GPC5: variants seen among roughly 807,000 people sequenced by gnomAD.
The protein encoded by GPC5 is glypican-5.
In GPC5, 47 loss-of-function variants were observed where a neutral mutation model predicts 53.9. That is an observed-to-expected ratio of 0.87 (90% CI 0.69 to 1.11). GPC5 has a LOEUF of 1.11. Among genes scored for constraint, GPC5 ranks in the 50% most tolerant of loss-of-function variants. The pLI is 0.00. For missense variants in GPC5, 748 were observed against 713.1 expected, an observed-to-expected ratio of 1.05 and a Z score of -0.56; for synonymous variants, 286 against 263.3, an observed-to-expected ratio of 1.09 and a Z score of -0.84.
At chr13:91,844,628 G>A (rs1221556704) in intron 5 of GPC5, among the ~76,000 whole-genome samples, 2 of 152,192 alleles carry the variant, frequency 1.3e-5, no homozygotes, top group East Asian at 3.8e-4. Context: ...CCACTGAAGG[G>A]TGCACATGTG....
intron 3 of GPC5, among the ~76,000 whole-genome samples, chr13:91,702,630 T>G (rs2036017676): frequency 6.6e-6 from 1 of 152,062 alleles, no homozygotes; most frequent in African/African-American, 2.4e-5. Context: ...TAGTCTTTTG[T>G]GGTTCCATAC....
At chr13:91,736,966 TTATTA>T (rs2036829018) in intron 4 of GPC5, among the ~76,000 whole-genome samples, 1 of 148,178 alleles carries the variant, frequency 6.7e-6, no homozygotes, top group East Asian at 1.9e-4. Flanking sequence ...ATTATTATTA[TTATTA>T]TTTTTGATGG....
At chr13:91,594,985 CATTTATTTATTTATTTATTTATTT>C (rs60740693) in intron 2 of GPC5, among the ~76,000 whole-genome samples, 14,417 of 137,530 alleles carry the variant, frequency 0.1, 845 homozygotes, top group Middle Eastern at 0.15. Flanking sequence ...TTTTTATTTA[CATTTATTTATTTATTTATTTATTT>C]ATTTATTTAT....
At chr13:91,488,965 C>T (rs1883776249) in intron 2 of GPC5, among the ~76,000 whole-genome samples, 1 of 152,196 alleles carries the variant, frequency 6.6e-6, no homozygotes, top group Non-Finnish European at 1.5e-5. Context: ...ATGGTCGTAG[C>T]TGTGGGATGA....
At chr13:92,745,018 T>C (rs1889205991) in intron 7 of GPC5, among the ~76,000 whole-genome samples, 1 of 152,072 alleles carries the variant, frequency 6.6e-6, no homozygotes, top group South Asian at 2.1e-4. Flanking sequence ...TAATAATTCA[T>C]ATCAATAACT....
At chr13:91,572,063 A>ATGCATATACGTGTGTATATATG (rs2031896824) in intron 2 of GPC5, among the ~76,000 whole-genome samples, 1 of 129,800 alleles carries the variant, frequency 7.7e-6, no homozygotes, top group African/African-American at 4.0e-5. Context: ...GTATATATAC[A>ATGCATATACGTGTGTATATATG]TGTATATACA....
intron 2 of GPC5, among the ~76,000 whole-genome samples, chr13:91,541,966 A>G (rs2029961609): frequency 6.6e-6 from 1 of 150,972 alleles, no homozygotes; most frequent in Non-Finnish European, 1.5e-5. Context: ...TTAGTCAGGA[A>G]TAGGTGCTGC....
At chr13:91,864,984 A>C (rs1183638407) in intron 5 of GPC5, among the ~76,000 whole-genome samples, 2 of 151,484 alleles carry the variant, frequency 1.3e-5, no homozygotes, top group East Asian at 3.9e-4. Context: ...GGCTCACTGC[A>C]ACCTCTGCCT....
At position 92,197,227 on chromosome 13, in the gene GPC5, A is replaced by G. The variant is rs576027169; in HGVS notation, c.1561+52238A>G. On this transcript the variant is annotated intron_variant, in intron 7 of 7. Transcript: ENST00000377067. ...AAGGATGTGAAAAAAAAATAATAAG[A>G]TAAAAACCCCCAGACCATAAATTTT... Among the ~76,000 whole-genome samples the G allele has an allele frequency of 2.6e-5, 4 of 152,284 alleles. No homozygotes were observed. In the South Asian group the frequency reaches 8.3e-4, roughly 32 times the overall value.
At chr13:92,412,969 C>T (rs906584590) in intron 7 of GPC5, among the ~76,000 whole-genome samples, 1 of 152,152 alleles carries the variant, frequency 6.6e-6, no homozygotes, top group African/African-American at 2.4e-5. Context: ...ACATTACTGT[C>T]AGATAAATGC....
At chr13:92,360,134 C>A (rs1034858573) in intron 7 of GPC5, among the ~76,000 whole-genome samples, 1 of 151,546 alleles carries the variant, frequency 6.6e-6, no homozygotes, top group African/African-American at 2.4e-5. Flanking sequence ...GGCATCTTTG[C>A]CAAAGAATTT....
intron 7 of GPC5, among the ~76,000 whole-genome samples, chr13:92,264,841 G>C: frequency 6.9e-6 from 1 of 144,034 alleles, no homozygotes; most frequent in African/African-American, 2.6e-5. Context: ...TTTGTGTCTT[G>C]TATATGTTTA....
intron 7 of GPC5, among the ~76,000 whole-genome samples, chr13:92,505,988 A>C (rs573923492): frequency 6.6e-6 from 1 of 152,242 alleles, no homozygotes; most frequent in African/African-American, 2.4e-5. Context: ...AAGAGATGGA[A>C]GGAGAGAATG....
intron 7 of GPC5, among the ~76,000 whole-genome samples, chr13:92,742,898 A>G (rs1363916785): frequency 6.6e-6 from 1 of 151,924 alleles, no homozygotes; most frequent in African/African-American, 2.4e-5. Context: ...TTGTAGATGT[A>G]TGGCATTATT....
intron 7 of GPC5, among the ~76,000 whole-genome samples, chr13:92,856,928 A>T (rs960081648): frequency 1.3e-5 from 2 of 152,024 alleles, no homozygotes; most frequent in Admixed American, 6.6e-5. Flanking sequence ...ATTCAATGCT[A>T]CTCCTATCAA....
intron 2 of GPC5, among the ~76,000 whole-genome samples, chr13:91,533,029 A>C (rs1314618490): frequency 6.6e-6 from 1 of 152,244 alleles, no homozygotes; most frequent in South Asian, 2.1e-4. Context: ...GGATGATCAG[A>C]ATTACTCATG....
intron 7 of GPC5, among the ~76,000 whole-genome samples, chr13:92,406,962 T>C (rs910333891): frequency 7.2e-5 from 11 of 152,220 alleles, no homozygotes; most frequent in African/African-American, 2.7e-4. Flanking sequence ...ATCTAATTAG[T>C]AGTAACTTCT....
intron 5 of GPC5, among the ~76,000 whole-genome samples, chr13:91,774,600 A>G (rs1387131806): frequency 6.6e-6 from 1 of 152,080 alleles, no homozygotes; most frequent in Non-Finnish European, 1.5e-5. Context: ...CTTGACCTAC[A>G]GCGCACCCAT....
At chr13:92,176,807 C>T (rs2042112098) in intron 7 of GPC5, among the ~76,000 whole-genome samples, 1 of 152,158 alleles carries the variant, frequency 6.6e-6, no homozygotes, top group Admixed American at 6.5e-5. Flanking sequence ...CCAGGCACCA[C>T]TTTACCTTTA....
Sources: gnomAD v4.1 joint callset for allele counts (sites outside exome capture counted in the v4.1 genomes callset) on GRCh38, gnomAD v4.1.1 for gene constraint, MANE v1.5 for transcripts, NCBI Gene and HGNC (gene_info 2026-07-23, HGNC 2026-07-21) for gene names.